PTGER4: variants seen among roughly 807,000 people sequenced by gnomAD.
PTGER4 encodes prostaglandin E receptor 4.
PTGER4 carries 11 observed loss-of-function variants against 33.2 expected under a neutral mutation model. That is an observed-to-expected ratio of 0.33 (90% CI 0.21 to 0.55). The LOEUF is 0.55. Ranked by LOEUF, PTGER4 falls within the 20% of genes least tolerant of loss-of-function variation. PTGER4 has a pLI of 0.92. For synonymous variants in PTGER4, 275 were observed against 281.5 expected, an observed-to-expected ratio of 0.98 and a Z score of 0.23; for missense variants, 481 against 650.2, an observed-to-expected ratio of 0.74 and a Z score of 2.83.
the PTGER4 span, chr5:40,728,500 A>T: frequency 1.3e-6 from 2 of 1,571,994 alleles, no homozygotes; most frequent in East Asian, 2.3e-5. Flanking sequence ...AAGACCAAAA[A>T]ATCTGTCAGT....
chr5:40,703,902 C>CAAAAAAAAAAAAAAAAA, the PTGER4 span, among the ~76,000 whole-genome samples: 4 of 37,264 alleles, frequency 1.1e-4, no homozygotes, highest in East Asian at 9.3e-4. Flanking sequence ...GACGCCGTCT[C>CAAAAAAAAAAAAAAAAA]AAAAAAAAAA....
the PTGER4 span, among the ~76,000 whole-genome samples, chr5:40,729,761 C>A: frequency 1.5e-4 from 23 of 152,240 alleles, no homozygotes; most frequent in East Asian, 4.2e-3. Flanking sequence ...TGCAGTGGCA[C>A]TATCTCAGCT....
Position 40,689,832 on chromosome 5 carries a change from CTAAAA to C in PTGER4, c.868-1943_868-1939del, listed in dbSNP as rs201190151. ...TGAGACTCAACCTCTTCTCCCTAAC[CTAAAA>C]TAATTACTAAAGGCAAGAAATAATT... On this transcript the variant is annotated intron_variant, in intron 2 of 2. Transcript: ENST00000302472. Among the ~76,000 whole-genome samples, 897 of 152,198 alleles carry C rather than the reference CTAAAA, an allele frequency of 5.9e-3. 5 individuals carry two copies. Among genetic ancestry groups the C allele is most frequent in the African/African-American group, 0.019 (799 of 41,512 alleles).
At chr5:40,697,393 C>T (rs1178249598), downstream of PTGER4, among the ~76,000 whole-genome samples, 1 of 151,746 alleles carries the variant, frequency 6.6e-6, no homozygotes, top group Non-Finnish European at 1.5e-5. Context: ...CAAAACCAGC[C>T]TAACCAACAT....
chr5:40,715,839 CA>C, the PTGER4 span: 1 of 246,986 alleles, frequency 4.0e-6, no homozygotes, highest in African/African-American at 2.2e-5. Context: ...ATTCACTATT[CA>C]AGAATACATT....
At chr5:40,710,438 A>G in the PTGER4 span, among the ~76,000 whole-genome samples, 1 of 152,108 alleles carries the variant, frequency 6.6e-6, no homozygotes, top group Non-Finnish European at 1.5e-5. Flanking sequence ...CAGGTGCTGG[A>G]GAGGATGTGG....
At chr5:40,739,112 ATGTC>A in the PTGER4 span, among the ~76,000 whole-genome samples, 1 of 152,182 alleles carries the variant, frequency 6.6e-6, no homozygotes. Flanking sequence ...TGATCCATGT[ATGTC>A]TATCTTTACA....
At chr5:40,722,998 GGGGGAAATGT>G in the PTGER4 span, among the ~76,000 whole-genome samples, 1 of 152,234 alleles carries the variant, frequency 6.6e-6, no homozygotes, top group East Asian at 1.9e-4. Context: ...AAATAGAAAA[GGGGGAAATGT>G]GGGGAAAAGG....
chr5:40,738,539 C>CAATAAAATAA, the PTGER4 span, among the ~76,000 whole-genome samples: 12 of 67,444 alleles, frequency 1.8e-4, no homozygotes, highest in East Asian at 5.3e-4. Context: ...CAATAAAATA[C>CAATAAAATAA]AATAAAATAA....
the PTGER4 span, among the ~76,000 whole-genome samples, chr5:40,708,292 A>G: frequency 2.0e-5 from 3 of 152,200 alleles, no homozygotes; most frequent in Admixed American, 2.0e-4. Flanking sequence ...TAGCAAGACT[A>G]ATAAAGAAGA....
At chr5:40,732,294 G>C in the PTGER4 span, among the ~76,000 whole-genome samples, 1 of 152,112 alleles carries the variant, frequency 6.6e-6, no homozygotes, top group African/African-American at 2.4e-5. Context: ...TGAGATTACA[G>C]GGGTGAGCCA....
At chr5:40,720,035 T>A in the PTGER4 span, among the ~76,000 whole-genome samples, 1 of 152,214 alleles carries the variant, frequency 6.6e-6, no homozygotes, top group African/African-American at 2.4e-5. Context: ...CAAAAGTGTT[T>A]AATTTGAAGT....
the PTGER4 span, among the ~76,000 whole-genome samples, chr5:40,746,567 T>C: frequency 6.6e-6 from 1 of 152,208 alleles, no homozygotes; most frequent in African/African-American, 2.4e-5. Flanking sequence ...AGCAGGGACA[T>C]AATTAGCATC....
chr5:40,695,359 G>A (rs1318388869), downstream of PTGER4, among the ~76,000 whole-genome samples: 3 of 152,060 alleles, frequency 2.0e-5, no homozygotes, highest in South Asian at 2.1e-4. Flanking sequence ...CCTGGCCAAC[G>A]TAATGAAACC....
chr5:40,690,528 T>C (rs1189593391), intron 2 of PTGER4, among the ~76,000 whole-genome samples: 2 of 152,208 alleles, frequency 1.3e-5, no homozygotes, highest in Non-Finnish European at 2.9e-5. Context: ...TGTCTTTCCT[T>C]CTAAATTTAG....
chr5:40,722,424 C>G, the PTGER4 span, among the ~76,000 whole-genome samples: 1 of 149,238 alleles, frequency 6.7e-6, no homozygotes, highest in Non-Finnish European at 1.5e-5. Flanking sequence ...AAGTGAGGAG[C>G]GCCTCTTCCC....
chr5:40,741,809 T>C, the PTGER4 span, among the ~76,000 whole-genome samples: 1 of 152,014 alleles, frequency 6.6e-6, no homozygotes, highest in East Asian at 1.9e-4. Flanking sequence ...GCCAATATGG[T>C]AAAACCCCAT....
At position 40,693,358 on chromosome 5, in the gene PTGER4, G is replaced by A. The variant is rs1314219417; in HGVS notation, c.*980G>A. 5 of 982,914 alleles carry A rather than the reference G, an allele frequency of 5.1e-6. No homozygotes were observed. The highest frequency in any genetic ancestry group is 1.7e-5 in the African/African-American group (1 of 57,170). The allele number at this position is 982,914 out of a possible 1,614,324, so 60.9% of individuals were successfully genotyped here. ...AGCAGCTTATTGTTTCTCTGAAAGT[G>A]TGTGTAGTTTTACTTTCCTAAGGAA... On this transcript the variant is annotated 3_prime_UTR_variant, in exon 3 of 3. Coordinates refer to ENST00000302472, the MANE Select transcript of PTGER4 (RefSeq NM_000958.3).
At chr5:40,723,814 G>A in the PTGER4 span, among the ~76,000 whole-genome samples, 6 of 151,690 alleles carry the variant, frequency 4.0e-5, no homozygotes, top group East Asian at 1.9e-4. Context: ...ACAGTGAGCC[G>A]AGATCACACC....
Sources: allele counts gnomAD v4.1 joint callset (sites outside exome capture counted in the v4.1 genomes callset), GRCh38; gene constraint gnomAD v4.1.1; transcripts MANE v1.5; gene names NCBI Gene and HGNC (gene_info 2026-07-23, HGNC 2026-07-21).